The following SORCS1 variants were observed in gnomAD, a reference collection of about 807,000 sequenced individuals.
SORCS1 encodes sortilin related VPS10 domain containing receptor 1.
A neutral mutation model predicts 146.1 loss-of-function variants in SORCS1; 60 were observed. The ratio of observed to expected loss-of-function variants is 0.41; its 90% CI spans 0.33 to 0.51. The LOEUF (loss-of-function observed/expected upper bound fraction) is 0.51. Ranked by LOEUF, SORCS1 falls within the 20% of genes least tolerant of loss-of-function variation. The pLI is 0.21. For synonymous variants in SORCS1, 637 were observed against 584.0 expected (o/e 1.09, Z -1.31); for missense variants, 1,352 against 1,487.6 (o/e 0.91, Z 1.50).
chr10:106,985,662 G>A (rs529154313), intron 1 of SORCS1, among the ~76,000 whole-genome samples: 4 of 151,032 alleles, frequency 2.6e-5, no homozygotes, highest in South Asian at 2.1e-4. Flanking sequence ...TCAGCTTCCC[G>A]AGTAGCTGGG....
At chr10:106,808,647 T>C (rs1316668963) in intron 3 of SORCS1, among the ~76,000 whole-genome samples, 5 of 152,008 alleles carry the variant, frequency 3.3e-5, no homozygotes, top group Non-Finnish European at 7.4e-5. Flanking sequence ...GGACTACAGG[T>C]GCCCGCCACC....
chr10:106,629,341 G>A lies in SORCS1; in HGVS notation c.2523C>T (p.Ile841=), dbSNP rs140662613. ...AGCTGAGATTGACGTAAGACACCGC[G>A]ATACCATCGCCAAAGTCCACTTGGA... ...TLIQVDFGDG[I]AVSYVNLSSM... Residue 841 remains isoleucine (I), a synonymous_variant, in exon 19 of 26, where the codon ATC becomes ATT. Coordinates refer to ENST00000263054, the MANE Select transcript of SORCS1 (RefSeq NM_052918.5). The A allele has an allele frequency of 2.5e-6, 4 of 1,614,144 alleles. No individual in the cohort carries two copies. The highest frequency in any genetic ancestry group is 1.3e-5 in the African/African-American group (1 of 75,050).
At chr10:106,607,425 G>T in intron 22 of SORCS1, 128 bp from the exon 23 acceptor site, 1 of 1,236,638 alleles carries the variant, frequency 8.1e-7, no homozygotes, top group South Asian at 1.5e-5. Flanking sequence ...AGAGGCCTGG[G>T]CATATCAGGC....
chr10:106,892,936 C>G (rs1222469823), intron 2 of SORCS1, among the ~76,000 whole-genome samples: 1 of 146,230 alleles, frequency 6.8e-6, no homozygotes, highest in Non-Finnish European at 1.5e-5. Flanking sequence ...CTTTTTTTGC[C>G]CAGACTGGAG....
intron 2 of SORCS1, among the ~76,000 whole-genome samples, chr10:106,920,949 G>A (rs1952681536): frequency 6.6e-6 from 1 of 152,018 alleles, no homozygotes; most frequent in African/African-American, 2.4e-5. Context: ...CGAGACCTGA[G>A]AGGACCCCAG....
chr10:106,868,096 G>T (rs989512882), intron 2 of SORCS1, among the ~76,000 whole-genome samples: 3 of 152,104 alleles, frequency 2.0e-5, no homozygotes, highest in African/African-American at 7.2e-5. Flanking sequence ...GATCAAAAAA[G>T]ACAAAGAAGG....
intron 1 of SORCS1, among the ~76,000 whole-genome samples, chr10:107,125,064 T>C (rs1405306417): frequency 6.7e-6 from 1 of 148,418 alleles, no homozygotes; most frequent in African/African-American, 2.5e-5. Context: ...GAGATTCCCC[T>C]GCCTCCGCCT....
chr10:106,596,111 G>A (rs1845888861), intron 24 of SORCS1, among the ~76,000 whole-genome samples: 1 of 152,032 alleles, frequency 6.6e-6, no homozygotes. Flanking sequence ...AGCCAAGATT[G>A]AAACCAATGT....
At chr10:107,117,113 T>C (rs921371968) in intron 1 of SORCS1, among the ~76,000 whole-genome samples, 3 of 152,176 alleles carry the variant, frequency 2.0e-5, no homozygotes, top group Admixed American at 2.0e-4. Flanking sequence ...TGAAAAATTC[T>C]TAGCCTATCC....
chr10:107,159,018 G>T (rs1194357820), intron 1 of SORCS1, among the ~76,000 whole-genome samples: 1 of 150,992 alleles, frequency 6.6e-6, no homozygotes. Context: ...TTTTGGGGGG[G>T]AAGGGGGGTC....
At chr10:106,891,504 C>CTTTTGTTTTTTTTTTTTTTTTTTTTTTT (rs1951231551) in intron 2 of SORCS1, among the ~76,000 whole-genome samples, 1 of 97,260 alleles carries the variant, frequency 1.0e-5, no homozygotes, top group Non-Finnish European at 2.3e-5. Context: ...AATGGGAATT[C>CTTTTGTTTTTTTTTTTTTTTTTTTTTTT]TTTTTTTTTT....
Position 106,881,579 on chromosome 10 carries a change from T to C in SORCS1, c.627-51906A>G, listed in dbSNP as rs546227538. Among the ~76,000 whole-genome samples, 19 of 152,340 alleles carry C rather than the reference T, an allele frequency of 1.2e-4. No homozygotes were observed. The South Asian group carries it at 3.5e-3, about 28-fold the overall frequency. On this transcript the variant is annotated intron_variant, in intron 2 of 25. Transcript: ENST00000263054. ...CCAGTAACATCATTTATACCAGAAA[T>C]GCCTTCTTCAAATCCCACCTAATAA...
chr10:107,008,070 C>CT (rs1370981210), intron 1 of SORCS1, among the ~76,000 whole-genome samples: 1 of 151,404 alleles, frequency 6.6e-6, no homozygotes, highest in Admixed American at 6.6e-5. Flanking sequence ...TTAATAAATT[C>CT]TTTTTTAAAA....
intron 3 of SORCS1, among the ~76,000 whole-genome samples, chr10:106,822,556 T>G (rs770359343): frequency 5.3e-5 from 8 of 152,112 alleles, no homozygotes; most frequent in Non-Finnish European, 1.0e-4. Flanking sequence ...CATGCTTTCT[T>G]GGATTTTATA....
At chr10:106,951,454 G>A (rs1015883349) in intron 2 of SORCS1, among the ~76,000 whole-genome samples, 17 of 150,030 alleles carry the variant, frequency 1.1e-4, no homozygotes, top group African/African-American at 3.2e-4. Flanking sequence ...AGAGCTTGCA[G>A]TGAGCCGAGA....
intron 1 of SORCS1, among the ~76,000 whole-genome samples, chr10:107,097,000 C>T (rs1964586864): frequency 2.0e-5 from 3 of 152,194 alleles, no homozygotes; most frequent in African/African-American, 7.2e-5. Flanking sequence ...TTGTTTTGAA[C>T]AACAATTAAT....
At chr10:106,913,077 A>G (rs1476084221) in intron 2 of SORCS1, among the ~76,000 whole-genome samples, 1 of 52,424 alleles carries the variant, frequency 1.9e-5, no homozygotes, top group African/African-American at 3.2e-5. Context: ...GACTGCAAAG[A>G]AAAAAAAAAA....
chr10:106,889,624 G>T (rs1427668234), intron 2 of SORCS1, among the ~76,000 whole-genome samples: 1 of 151,940 alleles, frequency 6.6e-6, no homozygotes, highest in Non-Finnish European at 1.5e-5. Context: ...AATTAGCCGG[G>T]CACAGTGGCT....
intron 17 of SORCS1, 109 bp from the exon 18 acceptor site, chr10:106,652,662 TAACCA>T: frequency 8.3e-7 from 1 of 1,204,888 alleles, no homozygotes; most frequent in Non-Finnish European, 1.2e-6. Context: ...AGTAAGCACC[TAACCA>T]TCTTTCATGC....
Sources: allele counts gnomAD v4.1 joint callset (sites outside exome capture counted in the v4.1 genomes callset), GRCh38; gene constraint gnomAD v4.1.1; transcripts MANE v1.5; gene names NCBI Gene and HGNC (gene_info 2026-07-23, HGNC 2026-07-21).